The following LPA variants were observed in gnomAD, a reference collection of about 807,000 sequenced individuals.
LPA encodes the protein apolipoprotein(a).
A neutral mutation model predicts 197.9 loss-of-function variants in LPA; 199 were observed. The ratio of observed to expected loss-of-function variants is 1.01; its 90% CI spans 0.90 to 1.13. The LOEUF (loss-of-function observed/expected upper bound fraction) is 1.13, where lower values mean the gene tolerates loss of function less well. Among genes scored for constraint, LPA ranks in the 50% most tolerant of loss-of-function variants. LPA has a pLI of 0.00. For missense variants in LPA, 1,853 were observed against 1,785.8 expected, an observed-to-expected ratio of 1.04 and a Z score of -0.68; for synonymous variants, 715 against 639.5, an observed-to-expected ratio of 1.12 and a Z score of -1.78.
chr6:160,564,787 A>C (rs1020626418), intron 28 of LPA, among the ~76,000 whole-genome samples: 1 of 151,990 alleles, frequency 6.6e-6, no homozygotes, highest in African/African-American at 2.4e-5. Context: ...AAATCGGGAC[A>C]CTCCCACCCT....
intron 24 of LPA, among the ~76,000 whole-genome samples, chr6:160,589,172 T>C (rs184892098): frequency 6.6e-5 from 10 of 152,326 alleles, no homozygotes; most frequent in Admixed American, 2.0e-4. Flanking sequence ...AAGACAAACA[T>C]GGCAAACACA....
chr6:160,561,214 T>C (rs1217368657), intron 28 of LPA, among the ~76,000 whole-genome samples: 1 of 152,230 alleles, frequency 6.6e-6, no homozygotes, highest in Non-Finnish European at 1.5e-5. Flanking sequence ...TACATTTAAT[T>C]CTTTAATCTA....
Position 160,548,570 on chromosome 6 carries a change from C to T in LPA, c.5063G>A (p.Cys1688Tyr). The T allele has an allele frequency of 1.2e-6, 2 of 1,614,086 alleles. No homozygotes were observed. Among genetic ancestry groups the T allele is most frequent in the Non-Finnish European group, 1.7e-6 (2 of 1,179,968 alleles). ...TGTGTCTGAGCATCGCGTCAGGTTG[C>T]AGTACTCCCACCTGATGCTGGGGTC... ...TMDPSIRWEYCNLTRCSDTEG... is the reference protein window; with the variant it reads ...TMDPSIRWEYYNLTRCSDTEG... Residue 1688 changes from cysteine to tyrosine, a missense_variant, in exon 31 of 39, where the codon TGC becomes TAC. Coordinates refer to ENST00000316300, the MANE Select transcript of LPA (RefSeq NM_005577.4).
intron 26 of LPA, among the ~76,000 whole-genome samples, chr6:160,580,574 T>A (rs1041856905): frequency 3.9e-5 from 6 of 152,144 alleles, no homozygotes; most frequent in Admixed American, 3.9e-4. Flanking sequence ...GTGACACCAC[T>A]TATTATTGTG....
intron 19 of LPA, 91 bp from the exon 20 acceptor site, chr6:160,599,750 C>T (rs1345463785): frequency 2.1e-6 from 3 of 1,397,666 alleles, no homozygotes; most frequent in Non-Finnish European, 3.0e-6. Context: ...AAAAGAGTCA[C>T]TGAGATTTAC....
In LPA at chr6:160,577,144, G is replaced by A. The variant is rs1452976151; in HGVS notation, c.4623C>T (p.Tyr1541=). ...PHWHQRTPEN[Y]PNAGLTENYC... is the part of the protein sequence containing the mutation. ...TTTAATCAAATACATACGCATTTGG[G>A]TAGTTTTCTGGGGTCCTCTGATGCC... Residue 1541 remains tyrosine (Y), a synonymous_variant, in exon 28 of 39, where the codon TAC becomes TAT. Transcript: ENST00000316300. The A allele has an allele frequency of 5.6e-6, 9 of 1,613,626 alleles. No homozygotes were observed. In the East Asian group the frequency reaches 1.8e-4, roughly 32 times the overall value.
At chr6:160,610,455 G>A (rs931696411) in intron 16 of LPA, among the ~76,000 whole-genome samples, 3 of 152,122 alleles carry the variant, frequency 2.0e-5, no homozygotes, top group Admixed American at 1.3e-4. Context: ...CATCTAGCTG[G>A]TAAGAACTCC....
At chr6:160,611,412 T>G in intron 16 of LPA, 150 bp downstream of exon 16, 1 of 1,478,018 alleles carries the variant, frequency 6.8e-7, no homozygotes, top group Non-Finnish European at 9.3e-7. Context: ...TCTCAGACCC[T>G]TAGCTCCAAG....
chr6:160,635,057 T>A, intron 7 of LPA, 66 bp downstream of exon 7: 1 of 1,481,024 alleles, frequency 6.8e-7, no homozygotes. Context: ...GCTGCATCAG[T>A]GGGAATTTCC....
chr6:160,539,044 G>T (rs1046270489), intron 36 of LPA, among the ~76,000 whole-genome samples: 11 of 152,176 alleles, frequency 7.2e-5, no homozygotes, highest in Admixed American at 7.2e-4. Flanking sequence ...TTCCTAGAGT[G>T]TCAGAGGATT....
At chr6:160,568,591 C>T (rs891814550) in intron 28 of LPA, among the ~76,000 whole-genome samples, 1 of 152,150 alleles carries the variant, frequency 6.6e-6, no homozygotes, top group African/African-American at 2.4e-5. Flanking sequence ...CAGGGATGCC[C>T]TCTCTCACCA....
At chr6:160,602,106 G>C (rs1490435784) in intron 18 of LPA, among the ~76,000 whole-genome samples, 1 of 152,110 alleles carries the variant, frequency 6.6e-6, no homozygotes. Context: ...ATCCAACACT[G>C]TCTCTCTAGA....
chr6:160,536,323 A>G (rs1281012321), intron 37 of LPA, among the ~76,000 whole-genome samples: 2 of 152,162 alleles, frequency 1.3e-5, no homozygotes, highest in African/African-American at 4.8e-5. Flanking sequence ...GCTTAATCCA[A>G]TTTGAGTTGG....
chr6:160,611,837 T>C (rs1779531716), intron 15 of LPA, 116 bp from the exon 16 acceptor site: 1 of 974,802 alleles, frequency 1.0e-6, no homozygotes, highest in African/African-American at 2.3e-5. Context: ...TATCTTTCCC[T>C]TACCTGTAGG....
In LPA at chr6:160,531,791, C is replaced by A; in HGVS notation, c.6061G>T (p.Gly2021Cys). Reference protein sequence around the residue: ...GLGCARPNKPGVYARVSRFVT... With the variant: ...GLGCARPNKPCVYARVSRFVT... The stretch of plus-strand genomic sequence containing the variant: ...AACCTTGAAACACGAGCATAGACAC[C>A]AGGCTTATTGGGGCGTGCACAGCCA... Residue 2021 changes from glycine (G) to cysteine (C), a missense_variant, in exon 39 of 39, where the codon GGT becomes TGT. Gly to Cys is a radical substitution (Grantham distance 159). Around this residue, in one of 3 missense-constraint regions of LPA, gnomAD observed 1,737 missense variants for 1,504.4 expected, o/e 1.15. Coordinates refer to ENST00000316300, the MANE Select transcript of LPA (RefSeq NM_005577.4). 1.2e-6 allele frequency: 2 copies of A among 1,614,134 alleles called. No homozygotes were observed. The highest frequency in any genetic ancestry group is 1.7e-6 in the Non-Finnish European group (2 of 1,180,004).
At chr6:160,571,207 T>C (rs1353138842) in intron 28 of LPA, among the ~76,000 whole-genome samples, 5 of 152,206 alleles carry the variant, frequency 3.3e-5, no homozygotes, top group Non-Finnish European at 7.3e-5. Flanking sequence ...GCTGTGTTTT[T>C]CAGCTCCCTA....
chr6:160,588,884 C>T (rs566197178), intron 24 of LPA, among the ~76,000 whole-genome samples: 1 of 152,314 alleles, frequency 6.6e-6, no homozygotes, highest in Non-Finnish European at 1.5e-5. Flanking sequence ...TGTTGTCCAA[C>T]CTGTGAAAAC....
rs541040526 is a variant in LPA at position 160,661,318 on chromosome 6, G to A, written c.49+2848C>T. Among the ~76,000 whole-genome samples, 8 of 148,802 alleles carry A rather than the reference G, an allele frequency of 5.4e-5. No individual in the cohort carries two copies. In the South Asian group the frequency reaches 1.7e-3, roughly 31 times the overall value. On this transcript the variant is annotated intron_variant, in intron 1 of 38. Transcript: ENST00000316300. ...GTTAAAGAGTGACTAGAAGAGCAGTGGGGGTGGCAGCAGGAGAGAAGCCTG... is the reference window on the plus strand; with the variant it reads ...GTTAAAGAGTGACTAGAAGAGCAGTAGGGGTGGCAGCAGGAGAGAAGCCTG...
intron 26 of LPA, among the ~76,000 whole-genome samples, chr6:160,584,364 C>T (rs1360586617): frequency 1.5e-5 from 2 of 132,348 alleles, no homozygotes; most frequent in East Asian, 4.5e-4. Context: ...TTGAGTCTTG[C>T]TCTGTCACCC....
Sources: allele counts gnomAD v4.1 joint callset (sites outside exome capture counted in the v4.1 genomes callset), GRCh38; gene constraint gnomAD v4.1.1; regional missense constraint gnomAD v4.1.1; transcripts MANE v1.5; gene names NCBI Gene and HGNC (gene_info 2026-07-23, HGNC 2026-07-21).